Variants in PDE4B observed in about 807,000 individuals in gnomAD.
PDE4B encodes the protein 3',5'-cyclic-AMP phosphodiesterase 4B.
Under a neutral mutation model 82.2 loss-of-function variants are expected in PDE4B, and 20 were observed. The observed-to-expected ratio is 0.24, with a 90% CI of 0.17 to 0.35. The LOEUF is 0.35. Among genes scored for constraint, PDE4B ranks in the 10% least tolerant of loss-of-function variants. The pLI is 1.00. For missense variants in PDE4B, 655 were observed against 907.2 expected (o/e 0.72, Z 3.57); for synonymous variants, 320 against 318.9 (o/e 1.00, Z -0.04).
intron 7 of PDE4B, among the ~76,000 whole-genome samples, chr1:66,274,609 C>G (rs1008642140): frequency 4.6e-5 from 7 of 152,170 alleles, no homozygotes; most frequent in Non-Finnish European, 1.0e-4. Flanking sequence ...ACTTTGTGAC[C>G]TTGGGACAAA....
intron 3 of PDE4B, among the ~76,000 whole-genome samples, chr1:65,966,185 G>T (rs1303765262): frequency 1.3e-5 from 2 of 152,130 alleles, no homozygotes; most frequent in Non-Finnish European, 2.9e-5. Flanking sequence ...AAGCTGATAA[G>T]CAACTTCAGC....
At chr1:66,245,912 C>T (rs1053221258) in intron 3 of PDE4B, among the ~76,000 whole-genome samples, 14 of 152,152 alleles carry the variant, frequency 9.2e-5, no homozygotes, top group Non-Finnish European at 1.9e-4. Flanking sequence ...TTCAAGGAAA[C>T]CTACAGCTTC....
intron 3 of PDE4B, among the ~76,000 whole-genome samples, chr1:66,080,374 ATTG>A (rs1438187774): frequency 6.6e-6 from 1 of 152,162 alleles, no homozygotes; most frequent in African/African-American, 2.4e-5. Flanking sequence ...GTCTAAGAAT[ATTG>A]TTATCTTTTT....
At position 66,201,124 on chromosome 1, in the gene PDE4B, T is replaced by C. The variant is rs1447518733; in HGVS notation, c.282-46336T>C. Among the ~76,000 whole-genome samples, 3 of 152,180 alleles carry C rather than the reference T, an allele frequency of 2.0e-5. No individual in the cohort carries two copies. In the East Asian group the frequency reaches 5.8e-4, roughly 29 times the overall value. ...ATAATCATGTGGTTTTTGTCTTTGG[T>C]TCTGTTTATATGCTGGATTACATTT... is the stretch of plus-strand genomic sequence containing the variant. On this transcript the variant is annotated intron_variant, in intron 3 of 16. Coordinates refer to ENST00000341517, the MANE Select transcript of PDE4B (RefSeq NM_002600.4).
chr1:66,259,871 C>T (rs1475702869), intron 6 of PDE4B, among the ~76,000 whole-genome samples: 2 of 152,070 alleles, frequency 1.3e-5, no homozygotes, highest in African/African-American at 4.8e-5. Context: ...TAGAATATGG[C>T]CTCTGGCTTC....
At chr1:66,302,226 G>C (rs1301209458) in intron 7 of PDE4B, among the ~76,000 whole-genome samples, 2 of 152,142 alleles carry the variant, frequency 1.3e-5, no homozygotes, top group African/African-American at 4.8e-5. Flanking sequence ...CAGCCTCTCT[G>C]AGCATCAGCT....
At chr1:65,832,916 A>C (rs1422194580) in intron 1 of PDE4B, among the ~76,000 whole-genome samples, 1 of 152,230 alleles carries the variant, frequency 6.6e-6, no homozygotes, top group Non-Finnish European at 1.5e-5. Flanking sequence ...AGTGTTGCTC[A>C]ATAATATTTT....
chr1:66,200,063 T>C (rs1453507824), intron 3 of PDE4B, among the ~76,000 whole-genome samples: 2 of 152,210 alleles, frequency 1.3e-5, no homozygotes, highest in African/African-American at 2.4e-5. Context: ...TTTGTACATA[T>C]GGCTAGCCAG....
At chr1:65,941,898 A>G (rs1197964957) in intron 3 of PDE4B, among the ~76,000 whole-genome samples, 3 of 151,702 alleles carry the variant, frequency 2.0e-5, no homozygotes, top group African/African-American at 7.3e-5. Flanking sequence ...CTCAATCCAC[A>G]ATCTCTCCAT....
chr1:65,962,419 A>G (rs917898255), intron 3 of PDE4B, among the ~76,000 whole-genome samples: 2 of 152,140 alleles, frequency 1.3e-5, no homozygotes, highest in Non-Finnish European at 2.9e-5. Flanking sequence ...TCTGACCCAC[A>G]GGTAGCAGAA....
intron 3 of PDE4B, among the ~76,000 whole-genome samples, chr1:66,234,957 T>C (rs911191875): frequency 1.3e-5 from 2 of 152,224 alleles, no homozygotes; most frequent in Admixed American, 6.5e-5. Flanking sequence ...TAACATATAA[T>C]GTTTTCGTTG....
chr1:66,039,899 C>G (rs1004307160), intron 3 of PDE4B, among the ~76,000 whole-genome samples: 2 of 151,978 alleles, frequency 1.3e-5, no homozygotes, highest in African/African-American at 4.8e-5. Flanking sequence ...TAATGCTATT[C>G]ATAACTGACA....
In PDE4B at chr1:65,952,608, A is replaced by G. The variant is rs1006837321; in HGVS notation, c.281+33773A>G. The stretch of plus-strand genomic sequence containing the variant: ...TGAGGAGGGAAAATTGCTTGAACCC[A>G]GAGATGGAGGTTTCAGTGAGCCAAG... On this transcript the variant is annotated intron_variant, in intron 3 of 16. Transcript: ENST00000341517. 7.2e-5 allele frequency among the ~76,000 whole-genome samples: 11 copies of G among 152,050 alleles called. No individual in the cohort carries two copies. In the East Asian group the frequency reaches 1.4e-3, roughly 19 times the overall value.
intron 1 of PDE4B, among the ~76,000 whole-genome samples, chr1:65,897,874 G>C (rs1185676113): frequency 6.6e-6 from 1 of 152,064 alleles, no homozygotes; most frequent in African/African-American, 2.4e-5. Context: ...TGGGTCAAAA[G>C]GTAGTTCTGT....
chr1:65,825,705 C>CTATCTAT (rs1557766049), intron 1 of PDE4B, among the ~76,000 whole-genome samples: 2,488 of 107,438 alleles, frequency 0.023, 35 homozygotes, highest in Non-Finnish European at 0.031. Context: ...AACAAAATTA[C>CTATCTAT]CTATCTATCT....
At chr1:66,149,110 A>G (rs1646339844) in intron 3 of PDE4B, among the ~76,000 whole-genome samples, 1 of 152,200 alleles carries the variant, frequency 6.6e-6, no homozygotes, top group South Asian at 2.1e-4. Context: ...GAGCATTCTG[A>G]TATCTCCACA....
In PDE4B at chr1:66,178,169, A is replaced by G. The variant is rs969155039; in HGVS notation, c.282-69291A>G. Among the ~76,000 whole-genome samples the G allele has an allele frequency of 2.0e-5, 3 of 152,084 alleles. No homozygotes were observed. In the East Asian group the frequency reaches 5.8e-4, roughly 29 times the overall value. ...TGTTTTTTTCTCTTCTCCCCCCCAA[A>G]AAAAGAAGTCAAAATAAACAAAAAT... On this transcript the variant is annotated intron_variant, in intron 3 of 16. Coordinates refer to ENST00000341517, the MANE Select transcript of PDE4B (RefSeq NM_002600.4).
At chr1:66,108,753 A>G (rs1325716496) in intron 3 of PDE4B, among the ~76,000 whole-genome samples, 2 of 151,916 alleles carry the variant, frequency 1.3e-5, no homozygotes, top group African/African-American at 4.8e-5. Context: ...TGGTATCTAT[A>G]TATATCTGTT....
chr1:65,902,333 G>A (rs1646980637), intron 1 of PDE4B, among the ~76,000 whole-genome samples: 1 of 152,088 alleles, frequency 6.6e-6, no homozygotes. Flanking sequence ...AAGATTAGAA[G>A]GATCAAATGA....
Sources: allele counts gnomAD v4.1 joint callset (sites outside exome capture counted in the v4.1 genomes callset), GRCh38; gene constraint gnomAD v4.1.1; transcripts MANE v1.5; gene names NCBI Gene and HGNC (gene_info 2026-07-23, HGNC 2026-07-21).